The following SHLD1 variants were observed in gnomAD, a reference collection of about 807,000 sequenced individuals.
The protein encoded by SHLD1 is shieldin complex subunit 1.
A neutral mutation model predicts 5.5 loss-of-function variants in SHLD1; 3 were observed. That is an observed-to-expected ratio of 0.54 (90% CI 0.25 to 1.40). SHLD1 has a LOEUF of 1.40. Among genes scored for constraint, SHLD1 ranks in the 40% most tolerant of loss-of-function variants. The pLI is 0.15. For missense variants in SHLD1, 210 were observed against 244.4 expected (o/e 0.86, Z 0.94); for synonymous variants, 92 against 94.3 (o/e 0.98, Z 0.14).
chr20:5,817,432 C>CTCTCTG lies in SHLD1; in HGVS notation c.178+44390_178+44391insCTCTGT, dbSNP rs1473391202. On this transcript the variant is annotated intron_variant, in intron 2 of 2. Transcript: ENST00000303142. ...TCTCTCTCTCTCTCTCTCTCTCTCT[C>CTCTCTG]TGTGTGTGTGTGTGTGTGTGTGTGT... Among the ~76,000 whole-genome samples, 672 of 85,634 alleles carry CTCTCTG rather than the reference C, an allele frequency of 7.8e-3. 6 individuals are homozygous for CTCTCTG. Among genetic ancestry groups the CTCTCTG allele is most frequent in the East Asian group, 0.026 (80 of 3,110 alleles). 56.2% of individuals were successfully genotyped at this position (85,634 alleles called of 152,430 possible).
At chr20:5,808,846 T>C (rs2087419537) in intron 2 of SHLD1, among the ~76,000 whole-genome samples, 1 of 152,244 alleles carries the variant, frequency 6.6e-6, no homozygotes, top group South Asian at 2.1e-4. Context: ...ATCGCCTTTA[T>C]TTGCACAAGA....
intron 2 of SHLD1, among the ~76,000 whole-genome samples, chr20:5,789,005 G>A (rs755502847): frequency 9.9e-5 from 15 of 151,910 alleles, no homozygotes; most frequent in African/African-American, 2.4e-4. Flanking sequence ...ATAGTGGCAC[G>A]CACCTGTAAT....
At chr20:5,853,536 G>A (rs2122498035) in intron 2 of SHLD1, among the ~76,000 whole-genome samples, 1 of 152,272 alleles carries the variant, frequency 6.6e-6, no homozygotes, top group East Asian at 1.9e-4. Context: ...GACCTTTTAT[G>A]AAAATAGTTA....
intron 2 of SHLD1, among the ~76,000 whole-genome samples, chr20:5,811,384 A>G (rs2087456725): frequency 6.6e-6 from 1 of 152,178 alleles, no homozygotes; most frequent in South Asian, 2.1e-4. Flanking sequence ...TGCCCCCAGA[A>G]AGGTGAAATC....
chr20:5,752,052 G>T (rs895910461), intron 1 of SHLD1, among the ~76,000 whole-genome samples: 2 of 152,122 alleles, frequency 1.3e-5, no homozygotes, highest in Non-Finnish European at 2.9e-5. Flanking sequence ...TCCTTGTTAC[G>T]TAGATGAAGT....
At chr20:5,766,423 T>C (rs1176148569) in intron 1 of SHLD1, among the ~76,000 whole-genome samples, 1 of 152,194 alleles carries the variant, frequency 6.6e-6, no homozygotes, top group Non-Finnish European at 1.5e-5. Context: ...CAGGTCTCAC[T>C]GTTGATTTGT....
rs576327306 is a variant in SHLD1, at chr20:5,791,748, A to T, written c.178+18705A>T. Among the ~76,000 whole-genome samples the T allele has an allele frequency of 7.9e-5, 12 of 152,292 alleles. No individual in the cohort carries two copies. The East Asian group carries it at 2.3e-3, about 29-fold the overall frequency. ...TTTGCAAATCCCATACCTGACAAAG[A>T]ACTAGTTTCTACAATATGTAAAGAA... is the stretch of plus-strand genomic sequence containing the variant. On this transcript the variant is annotated intron_variant, in intron 2 of 2. Coordinates refer to ENST00000303142, the MANE Select transcript of SHLD1 (RefSeq NM_152504.4).
chr20:5,838,154 T>C (rs1486641474), intron 2 of SHLD1, among the ~76,000 whole-genome samples: 1 of 152,222 alleles, frequency 6.6e-6, no homozygotes, highest in Non-Finnish European at 1.5e-5. Flanking sequence ...GGGAAGCACC[T>C]GTGTATCTGT....
intron 2 of SHLD1, among the ~76,000 whole-genome samples, chr20:5,816,089 G>GAAAAAAAAAAAAA (rs141881349): frequency 4.6e-5 from 4 of 86,276 alleles, no homozygotes; most frequent in Non-Finnish European, 6.1e-5. Flanking sequence ...TCAAAAAAAC[G>GAAAAAAAAAAAAA]AAAAAAAAAA....
rs376296412 is a variant in SHLD1, at chr20:5,838,015, A to G, written c.179-25009A>G. On this transcript the variant is annotated intron_variant, in intron 2 of 2. Transcript: ENST00000303142. ...AAAATACCTATTTACCACAGAAGCA[A>G]TAACATTGTACAGTAAATGAAACGT... is the stretch of plus-strand genomic sequence containing the variant. Among the ~76,000 whole-genome samples the G allele has an allele frequency of 2.1e-4, 32 of 152,360 alleles. 1 individual carries two copies. Among genetic ancestry groups the G allele is most frequent in the Non-Finnish European group, 3.5e-4 (24 of 68,036 alleles).
chr20:5,754,038 T>G (rs1477807164), intron 1 of SHLD1, among the ~76,000 whole-genome samples: 2 of 152,218 alleles, frequency 1.3e-5, no homozygotes, highest in East Asian at 3.9e-4. Context: ...GTGCTGGGAT[T>G]ACAGGCATGA....
At chr20:5,827,217 T>C (rs1034337652) in intron 2 of SHLD1, among the ~76,000 whole-genome samples, 5 of 152,178 alleles carry the variant, frequency 3.3e-5, no homozygotes, top group African/African-American at 1.2e-4. Context: ...AGGGGCTGTC[T>C]TGATGCGAGC....
chr20:5,827,841 T>C (rs1294714), intron 2 of SHLD1, among the ~76,000 whole-genome samples: 99,553 of 152,068 alleles, frequency 0.65, 34,572 homozygotes, highest in Non-Finnish European at 0.79. Context: ...CACTTCATGC[T>C]GTGGTCTTGC....
intron 2 of SHLD1, among the ~76,000 whole-genome samples, chr20:5,818,286 G>A (rs1267756570): frequency 6.6e-6 from 1 of 152,008 alleles, no homozygotes; most frequent in Non-Finnish European, 1.5e-5. Flanking sequence ...ATGTTGGCCA[G>A]GCTGCTCTAG....
chr20:5,807,570 G>A (rs77443858), intron 2 of SHLD1, among the ~76,000 whole-genome samples: 4,956 of 152,096 alleles, frequency 0.033, 118 homozygotes, highest in Middle Eastern at 0.065. Flanking sequence ...TTGAGGTCTC[G>A]TCATGTTGCC....
intron 2 of SHLD1, among the ~76,000 whole-genome samples, chr20:5,845,827 G>A (rs1312840440): frequency 6.6e-6 from 1 of 152,174 alleles, no homozygotes; most frequent in Non-Finnish European, 1.5e-5. Flanking sequence ...AGGGAGTGAA[G>A]ATGACTCCTA....
chr20:5,857,230 C>T (rs1478947380), intron 2 of SHLD1, among the ~76,000 whole-genome samples: 1 of 152,146 alleles, frequency 6.6e-6, no homozygotes, highest in Non-Finnish European at 1.5e-5. Context: ...CCCGCCTTGG[C>T]CTCCCAAGGT....
At chr20:5,834,256 A>G (rs1202863544) in intron 2 of SHLD1, among the ~76,000 whole-genome samples, 1 of 152,230 alleles carries the variant, frequency 6.6e-6, no homozygotes, top group Non-Finnish European at 1.5e-5. Flanking sequence ...TCCTGCCTTC[A>G]GGAGTGGGTT....
intron 2 of SHLD1, among the ~76,000 whole-genome samples, chr20:5,858,373 C>T (rs532379829): frequency 1.2e-4 from 18 of 152,278 alleles, no homozygotes; most frequent in African/African-American, 4.3e-4. Context: ...ATGGAAAGTT[C>T]TCTGGAAGAA....
Sources: gnomAD v4.1 joint callset for allele counts (sites outside exome capture counted in the v4.1 genomes callset) on GRCh38, gnomAD v4.1.1 for gene constraint, MANE v1.5 for transcripts, NCBI Gene and HGNC (gene_info 2026-07-23, HGNC 2026-07-21) for gene names.